ENTPD2: variants seen among roughly 807,000 people sequenced by gnomAD.
ENTPD2 encodes ectonucleoside triphosphate diphosphohydrolase 2.
ENTPD2 carries 48 observed loss-of-function variants against 46.8 expected under a neutral mutation model. The ratio of observed to expected loss-of-function variants is 1.03; its 90% CI spans 0.81 to 1.30. The LOEUF is 1.30. Among genes scored for constraint, ENTPD2 ranks in the 50% most tolerant of loss-of-function variants. The pLI, the probability that ENTPD2 is intolerant of heterozygous loss-of-function variation, is 0.00. For missense variants in ENTPD2, 707 were observed against 651.1 expected, an observed-to-expected ratio of 1.09 and a Z score of -0.93; for synonymous variants, 316 against 286.1, an observed-to-expected ratio of 1.10 and a Z score of -1.06.
chr9:137,050,685 A>C, intron 5 of ENTPD2, 147 bp from the exon 6 acceptor site: 1 of 1,364,482 alleles, frequency 7.3e-7, no homozygotes, highest in Non-Finnish European at 9.8e-7. Flanking sequence ...GACAGATCCC[A>C]ACGCCCCTGA....
In ENTPD2 at chr9:137,050,410, C is replaced by A; in HGVS notation, c.903G>T (p.Leu301=). The A allele has an allele frequency of 6.2e-7, 1 of 1,613,000 alleles. No homozygotes were observed. The highest frequency in any genetic ancestry group is 8.5e-7 in the Non-Finnish European group (1 of 1,180,012). ...QNFNSSARVS[L]SGSSDPHLCR... ...AGAGGTGGGGGTCACTGCTCCCTGA[C>A]AGGCTGACCCTGGCACTGCTGTTGA... Residue 301 remains leucine (L), a synonymous_variant, in exon 6 of 9, where the codon CTG becomes CTT. Transcript: ENST00000355097.
At chr9:137,049,703 A>G in intron 7 of ENTPD2, 167 bp downstream of exon 7, 1 of 763,604 alleles carries the variant, frequency 1.3e-6, no homozygotes, top group Non-Finnish European at 2.0e-6. Context: ...ACTTGTTCAC[A>G]GCCTACCGGC....
In ENTPD2 at chr9:137,049,214, C is replaced by G. The variant is rs553845490; in HGVS notation, c.1150-139G>C. 37 of 1,397,876 alleles carry G rather than the reference C, an allele frequency of 2.6e-5. 1 individual carries two copies. The East Asian group carries it at 6.2e-4, about 23-fold the overall frequency. The allele number at this position is 1,397,876 out of a possible 1,614,324, so 86.6% of individuals were successfully genotyped here. On this transcript the variant is annotated intron_variant, in intron 7 of 8. Transcript: ENST00000355097. The stretch of plus-strand genomic sequence containing the variant: ...GAGGCCAGAGACCACCACACAGGCC[C>G]GGACACGAATGGCAAGACCGAGTCC...
In ENTPD2 at chr9:137,050,909, G is replaced by A; in HGVS notation, c.767C>T (p.Ala256Val). Residue 256 changes from alanine (A) to valine (V), a missense_variant, in exon 5 of 9, where the codon GCC becomes GTC. Coordinates refer to ENST00000355097, the MANE Select transcript of ENTPD2 (RefSeq NM_203468.3). Reference protein sequence around the residue: ...DQVLQRLLASALQTHGFHPCW... With the variant: ...DQVLQRLLASVLQTHGFHPCW... ...GCCAGGGTGGAGGGGCACCTGGAGG[G>A]CGCTGGCCAGCAGCCTCTGGAGGAC... The A allele has an allele frequency of 1.9e-6, 3 of 1,610,758 alleles. No homozygotes were observed. The highest frequency in any genetic ancestry group is 2.5e-6 in the Non-Finnish European group (3 of 1,179,938).
intron 2 of ENTPD2, 143 bp from the exon 3 acceptor site, chr9:137,051,803 C>G: frequency 1.5e-6 from 2 of 1,321,310 alleles, no homozygotes; most frequent in Non-Finnish European, 2.0e-6. Context: ...CCAGAAACGC[C>G]CAGGTTGGAG....
At position 137,048,781 on chromosome 9, in the gene ENTPD2, A is replaced by G; in HGVS notation, c.1364T>C (p.Leu455Pro). Residue 455 changes from leucine (L) to proline (P), a missense_variant, in exon 9 of 9, where the codon CTG (leucine) becomes CCG (proline). By Grantham distance (98) the Leu-to-Pro change is moderately conservative. Transcript: ENST00000355097. ...TNLIPADPPG[L>P]RKGTDFSSWV... ...GGAGCTGAAGTCTGTGCCCTTGCGCAGCCCCGGCGGGTCGGCGGGGATCAG... is the reference window on the plus strand; with the variant it reads ...GGAGCTGAAGTCTGTGCCCTTGCGCGGCCCCGGCGGGTCGGCGGGGATCAG... 1 of 1,593,322 alleles carries G rather than the reference A, an allele frequency of 6.3e-7. No individual in the cohort carries two copies. Among genetic ancestry groups the G allele is most frequent in the Non-Finnish European group, 8.6e-7 (1 of 1,169,304 alleles).
chr9:137,048,885 C>G, intron 8 of ENTPD2, 25 bp from the exon 9 acceptor site: 10 of 1,509,252 alleles, frequency 6.6e-6, no homozygotes, highest in Non-Finnish European at 8.8e-6. Flanking sequence ...GTGGCCTCAG[C>G]TCCCGAGAGG....
chr9:137,049,889 C>T lies in ENTPD2; in HGVS notation c.1130G>A (p.Cys377Tyr). The change falls in exon 7 of 9, where the codon TGC (cysteine) becomes TAC (tyrosine). Residue 377 changes from cysteine (C) to tyrosine (Y), a missense_variant. Coordinates refer to ENST00000355097, the MANE Select transcript of ENTPD2 (RefSeq NM_203468.3). The part of the protein sequence containing the change: ...QQLEAAAVNV[C>Y]NQTWAQLQAR... The stretch of plus-strand genomic sequence containing the variant: ...GCTCACCTGAGCCCAGGTCTGGTTG[C>T]AGACATTCACTGCGGCTGCCTCCAG... 1 of 1,611,694 alleles carries T rather than the reference C, an allele frequency of 6.2e-7. No homozygotes were observed. Among genetic ancestry groups the T allele is most frequent in the Non-Finnish European group, 8.5e-7 (1 of 1,179,612 alleles).
chr9:137,049,875 C>G lies in ENTPD2; in HGVS notation c.1144G>C (p.Ala382Pro), dbSNP rs1832223653. The change falls in exon 7 of 9, where the codon GCT (alanine) becomes CCT (proline). Residue 382 changes from alanine (A) to proline (P), a missense_variant. Transcript: ENST00000355097. ...AAVNVCNQTWAQLQARVPGQR... is the reference protein window; with the variant it reads ...AAVNVCNQTWPQLQARVPGQR... ...GGAGTGGGAGCGGGGCTCACCTGAG[C>G]CCAGGTCTGGTTGCAGACATTCACT... 2 of 1,610,702 alleles carry G rather than the reference C, an allele frequency of 1.2e-6. No homozygotes were observed. The highest frequency in any genetic ancestry group is 4.5e-5 in the East Asian group (2 of 44,864).
chr9:137,053,695 C>T (rs1832346030), intron 1 of ENTPD2, among the ~76,000 whole-genome samples, 186 bp downstream of exon 1: 1 of 152,142 alleles, frequency 6.6e-6, no homozygotes, highest in South Asian at 2.1e-4. Flanking sequence ...CACCGCCCCC[C>T]GCCCCCTCCG....
At chr9:137,049,297 G>A (rs1381572221) in intron 7 of ENTPD2, 1 of 787,408 alleles carries the variant, frequency 1.3e-6, no homozygotes, top group Non-Finnish European at 2.1e-6. Context: ...CCCATGCCTG[G>A]AAGGCCAGTG....
rs1376139343 is a variant in ENTPD2 at position 137,048,354 on chromosome 9, C to T, written c.*303G>A. ...GGTTCAAGGAGCTGGATTGAGCGCT[C>T]TTTGCCCACCCAGGCTCCTGTGGGT... is the stretch of plus-strand genomic sequence containing the variant. On this transcript the variant is annotated 3_prime_UTR_variant, in exon 9 of 9. Coordinates refer to ENST00000355097, the MANE Select transcript of ENTPD2 (RefSeq NM_203468.3). The T allele has an allele frequency of 5.8e-6, 2 of 344,274 alleles. No individual in the cohort carries two copies. The highest frequency in any genetic ancestry group is 6.6e-5 in the East Asian group (1 of 15,062). 21.3% of individuals were successfully genotyped at this position (344,274 alleles called of 1,614,324 possible).
intron 3 of ENTPD2, 24 bp downstream of exon 3, chr9:137,051,486 G>C: frequency 6.4e-7 from 1 of 1,570,650 alleles, no homozygotes; most frequent in Middle Eastern, 1.7e-4. Flanking sequence ...CATGGGGACA[G>C]GGCCAGGGCA....
rs772181440 is a variant in ENTPD2 at position 137,052,292 on chromosome 9, C to T, written c.174G>A (p.Trp58Ter). The change falls in exon 2 of 9, where the codon TGG (tryptophan) becomes TGA (stop). Residue 58 changes from tryptophan (W) to a stop codon, truncating the protein, a stop_gained. Coordinates refer to ENST00000355097, the MANE Select transcript of ENTPD2 (RefSeq NM_203468.3). LOFTEE classifies it high-confidence loss of function. ...CTGTGTCGTTCTCCTTGTCTGCCGG[C>T]CACTTGTAGATAAACATGGACGTGT... ...SSHTSMFIYK[W>*]PADKENDTGI... 3.1e-6 allele frequency: 5 copies of T among 1,612,646 alleles called. No homozygotes were observed. In the South Asian group the frequency reaches 5.5e-5, roughly 18 times the overall value.
chr9:137,053,524 G>T, intron 1 of ENTPD2: 1 of 193,640 alleles, frequency 5.2e-6, no homozygotes, highest in Admixed American at 6.1e-5. Flanking sequence ...GCCCCTGGGG[G>T]CCCGCACAGG....
At chr9:137,052,174 G>A (rs1832310890) in intron 2 of ENTPD2, 57 bp downstream of exon 2, 3 of 1,498,706 alleles carry the variant, frequency 2.0e-6, no homozygotes, top group African/African-American at 2.8e-5. Flanking sequence ...AGGCTGGAGA[G>A]GGTCCCAGAG....
intron 7 of ENTPD2, chr9:137,049,532 C>T (rs1224907547): frequency 9.3e-6 from 4 of 431,832 alleles, no homozygotes; most frequent in Admixed American, 4.0e-5. Context: ...TTGGAGTCTC[C>T]GGTGGGCACA....
rs1185954057 is a variant in ENTPD2, at chr9:137,051,552, G to C, written c.344C>G (p.Thr115Arg). ...QDVPKERHAG[T>R]PLYLGATAGM... ...CGCTGTGGCTCCCAGGTAGAGGGGT[G>C]TGCCCGCGTGTCTCTCTTTGGGCAC... Residue 115 changes from threonine (T) to arginine (R), a missense_variant, in exon 3 of 9, where the codon ACA (threonine) becomes AGA (arginine). Coordinates refer to ENST00000355097, the MANE Select transcript of ENTPD2 (RefSeq NM_203468.3). 3.1e-6 allele frequency: 5 copies of C among 1,611,834 alleles called. No individual in the cohort carries two copies. The East Asian group carries it at 1.1e-4, about 36-fold the overall frequency.
chr9:137,051,540 A>C lies in ENTPD2; in HGVS notation c.356T>G (p.Leu119Arg). 3.7e-6 allele frequency: 6 copies of C among 1,609,512 alleles called. No homozygotes were observed. The highest frequency in any genetic ancestry group is 4.2e-6 in the Non-Finnish European group (5 of 1,178,212). Residue 119 changes from leucine (L) to arginine (R), a missense_variant, in exon 3 of 9, where the codon CTG becomes CGG. Physicochemically the swap from Leu to Arg is moderately radical, Grantham distance 102. Transcript: ENST00000355097. ...KERHAGTPLYLGATAGMRLLN... is the reference protein window; with the variant it reads ...KERHAGTPLYRGATAGMRLLN... The stretch of plus-strand genomic sequence containing the variant: ...CAGGCGCATACCCGCTGTGGCTCCC[A>C]GGTAGAGGGGTGTGCCCGCGTGTCT...
Sources: gnomAD v4.1 joint callset for allele counts (sites outside exome capture counted in the v4.1 genomes callset) on GRCh38, gnomAD v4.1.1 for gene constraint, MANE v1.5 for transcripts, NCBI Gene and HGNC (gene_info 2026-07-23, HGNC 2026-07-21) for gene names.